Variants in MAP2 observed in about 807,000 individuals in gnomAD.
The protein encoded by MAP2 is microtubule-associated protein 2.
MAP2 carries 14 observed loss-of-function variants against 137.6 expected under a neutral mutation model. The ratio of observed to expected loss-of-function variants is 0.10; its 90% CI spans 0.07 to 0.16. The LOEUF is 0.16. Among genes scored for constraint, MAP2 ranks in the 10% least tolerant of loss-of-function variants. MAP2 has a pLI of 1.00. For synonymous variants in MAP2, 786 were observed against 782.3 expected, an observed-to-expected ratio of 1.00 and a Z score of -0.08; for missense variants, 2,088 against 2,191.5, an observed-to-expected ratio of 0.95 and a Z score of 0.94.
chr2:209,468,996 A>G (rs1457527502), intron 1 of MAP2, among the ~76,000 whole-genome samples: 1 of 152,210 alleles, frequency 6.6e-6, no homozygotes, highest in African/African-American at 2.4e-5. Flanking sequence ...ACCACACTGT[A>G]AGTTTATGAC....
At chr2:209,672,020 A>G (rs1443509220) in intron 5 of MAP2, among the ~76,000 whole-genome samples, 1 of 151,970 alleles carries the variant, frequency 6.6e-6, no homozygotes, top group East Asian at 1.9e-4. Context: ...AATGTAACAC[A>G]ATAACTTTAA....
chr2:209,678,884 C>T (rs930028298), intron 6 of MAP2, among the ~76,000 whole-genome samples, 199 bp downstream of exon 6: 8 of 152,178 alleles, frequency 5.3e-5, no homozygotes, highest in African/African-American at 1.9e-4. Flanking sequence ...CATAGTCTTT[C>T]GTTAGGGTGG....
At chr2:209,580,974 C>T (rs1031885450) in intron 3 of MAP2, among the ~76,000 whole-genome samples, 5 of 152,064 alleles carry the variant, frequency 3.3e-5, no homozygotes, top group Non-Finnish European at 5.9e-5. Context: ...TAAGCCTTTC[C>T]TTGGGATCTA....
intron 3 of MAP2, among the ~76,000 whole-genome samples, chr2:209,584,084 T>C (rs1360854194): frequency 1.3e-5 from 2 of 152,146 alleles, no homozygotes; most frequent in Non-Finnish European, 2.9e-5. Flanking sequence ...GTATCCATGT[T>C]GCTGCAAAGG....
intron 2 of MAP2, among the ~76,000 whole-genome samples, chr2:209,526,595 G>A (rs1262726287): frequency 1.8e-5 from 2 of 111,124 alleles, no homozygotes; most frequent in African/African-American, 1.0e-4. Context: ...ATTTAAAAGA[G>A]CAAGGATTCT....
At chr2:209,533,008 C>T (rs996184319) in intron 2 of MAP2, among the ~76,000 whole-genome samples, 9 of 152,060 alleles carry the variant, frequency 5.9e-5, no homozygotes, top group African/African-American at 1.9e-4. Context: ...TCAAGTGGTC[C>T]GCACTGCATT....
At chr2:209,429,415 A>G (rs1693623727) in intron 1 of MAP2, among the ~76,000 whole-genome samples, 2 of 151,862 alleles carry the variant, frequency 1.3e-5, no homozygotes, top group South Asian at 4.1e-4. Context: ...TAAAGTTACT[A>G]TGTGTCAGGC....
At chr2:209,721,500 A>T (rs1448018726) in intron 13 of MAP2, among the ~76,000 whole-genome samples, 2 of 152,202 alleles carry the variant, frequency 1.3e-5, no homozygotes, top group Non-Finnish European at 2.9e-5. Flanking sequence ...TTTTCTAGAA[A>T]ATCTGGGTAA....
At chr2:209,590,412 C>T (rs994846838) in intron 3 of MAP2, among the ~76,000 whole-genome samples, 18 of 152,016 alleles carry the variant, frequency 1.2e-4, no homozygotes, top group African/African-American at 3.9e-4. Flanking sequence ...CTCGGCTCAC[C>T]GCAACCTCTG....
intron 13 of MAP2, among the ~76,000 whole-genome samples, chr2:209,714,539 T>A (rs192329449): frequency 2.0e-5 from 3 of 152,384 alleles, no homozygotes; most frequent in Admixed American, 2.0e-4. Context: ...AGCATATTGC[T>A]TTCCCAATCA....
intron 2 of MAP2, among the ~76,000 whole-genome samples, chr2:209,564,623 C>T (rs1390972933): frequency 6.9e-6 from 1 of 144,982 alleles, no homozygotes; most frequent in Non-Finnish European, 1.5e-5. Flanking sequence ...TGTCTACTTT[C>T]ATAGCCCCTT....
intron 5 of MAP2, among the ~76,000 whole-genome samples, chr2:209,662,858 A>G (rs1026990067): frequency 6.6e-6 from 1 of 152,164 alleles, no homozygotes; most frequent in African/African-American, 2.4e-5. Flanking sequence ...GAAAAAAAAG[A>G]TAAGATAAAA....
chr2:209,556,946 T>A (rs1230843089), intron 2 of MAP2, among the ~76,000 whole-genome samples: 1 of 151,986 alleles, frequency 6.6e-6, no homozygotes, highest in Admixed American at 6.6e-5. Flanking sequence ...CAGAGTTAAG[T>A]GCTATATATT....
At chr2:209,574,049 G>T (rs1578711496) in intron 2 of MAP2, among the ~76,000 whole-genome samples, 1 of 152,048 alleles carries the variant, frequency 6.6e-6, no homozygotes, top group Middle Eastern at 3.4e-3. Flanking sequence ...AATCATAATT[G>T]TATACATTTA....
At chr2:209,730,118 G>T in intron 15 of MAP2, 64 bp from the exon 16 acceptor site, 1 of 1,363,130 alleles carries the variant, frequency 7.3e-7, no homozygotes, top group South Asian at 1.2e-5. Flanking sequence ...CTGGGAGATG[G>T]AGAAAGAGGT....
At chr2:209,454,859 A>G (rs182566910) in intron 1 of MAP2, among the ~76,000 whole-genome samples, 52 of 152,274 alleles carry the variant, frequency 3.4e-4, no homozygotes, top group Middle Eastern at 3.4e-3. Flanking sequence ...GTATCAAAAT[A>G]CCATAGATTG....
chr2:209,523,870 C>T (rs752906705), intron 2 of MAP2, among the ~76,000 whole-genome samples: 5 of 152,116 alleles, frequency 3.3e-5, no homozygotes, highest in Non-Finnish European at 7.4e-5. Flanking sequence ...CGATGACTAA[C>T]TATGGATATA....
intron 2 of MAP2, among the ~76,000 whole-genome samples, chr2:209,565,117 C>T (rs1281072125): frequency 6.6e-6 from 1 of 152,200 alleles, no homozygotes. Flanking sequence ...ATTTAATTTG[C>T]TATTAAATCT....
chr2:209,570,653 A>G (rs760793163), intron 2 of MAP2, among the ~76,000 whole-genome samples: 15 of 151,830 alleles, frequency 9.9e-5, no homozygotes, highest in Non-Finnish European at 1.5e-4. Context: ...TTTTTGATTT[A>G]TATGTTGGCG....
Sources: allele counts gnomAD v4.1 joint callset (sites outside exome capture counted in the v4.1 genomes callset), GRCh38; gene constraint gnomAD v4.1.1; transcripts MANE v1.5; gene names NCBI Gene and HGNC (gene_info 2026-07-23, HGNC 2026-07-21).